The following DYRK1A variants were observed in gnomAD, a reference collection of about 807,000 sequenced individuals.
DYRK1A encodes dual specificity tyrosine phosphorylation regulated kinase 1A, also known as dual specificity tyrosine-phosphorylation-regulated kinase 1A.
DYRK1A carries 9 observed loss-of-function variants against 79.7 expected under a neutral mutation model. The observed-to-expected ratio is 0.11, with a 90% confidence interval of 0.07 to 0.20. DYRK1A has a LOEUF of 0.20. Ranked by LOEUF, DYRK1A falls within the 10% of genes least tolerant of loss-of-function variation. DYRK1A has a pLI of 1.00. For missense variants in DYRK1A, 622 were observed against 956.0 expected (o/e 0.65, Z 4.61); for synonymous variants, 349 against 329.7 (o/e 1.06, Z -0.63).
chr21:37,377,768 T>A (rs1285185734), intron 1 of DYRK1A, among the ~76,000 whole-genome samples: 1 of 152,206 alleles, frequency 6.6e-6, no homozygotes, highest in Non-Finnish European at 1.5e-5. Context: ...CTATTGTTCT[T>A]AATGGTCGGA....
At chr21:37,462,908 C>A (rs1361071231) in intron 2 of DYRK1A, among the ~76,000 whole-genome samples, 1 of 152,080 alleles carries the variant, frequency 6.6e-6, no homozygotes, top group African/African-American at 2.4e-5. Flanking sequence ...TTGACTAGTT[C>A]TTTAGTTGTT....
At chr21:37,468,018 C>T (rs1007463329) in intron 2 of DYRK1A, among the ~76,000 whole-genome samples, 2 of 152,178 alleles carry the variant, frequency 1.3e-5, no homozygotes, top group African/African-American at 4.8e-5. Context: ...CTATAGAGAT[C>T]AATGCAATTT....
intron 1 of DYRK1A, among the ~76,000 whole-genome samples, chr21:37,372,554 A>G (rs1262392773): frequency 2.0e-5 from 3 of 152,102 alleles, no homozygotes; most frequent in Non-Finnish European, 4.4e-5. Context: ...TCCCCTGCCC[A>G]TGAAACCATG....
chr21:37,369,811 A>G (rs938759915), intron 1 of DYRK1A, among the ~76,000 whole-genome samples: 21 of 152,274 alleles, frequency 1.4e-4, no homozygotes, highest in African/African-American at 5.1e-4. Context: ...AGATCTAAGT[A>G]TAAGATCATC....
intron 2 of DYRK1A, among the ~76,000 whole-genome samples, chr21:37,444,288 T>C (rs1387106304): frequency 6.6e-6 from 1 of 152,222 alleles, no homozygotes; most frequent in African/African-American, 2.4e-5. Flanking sequence ...TTACCCGAAT[T>C]GAATACGTTA....
rs2053877263 is a variant in DYRK1A, at chr21:37,516,025, ACTCAGTTCTAGGCCAGTTT to A, written c.*3502_*3520del. On this transcript the variant is annotated 3_prime_UTR_variant, in exon 12 of 12. Transcript: ENST00000647188. ...TACACACGAAGACGAGATAGCAGGC[ACTCAGTTCTAGGCCAGTTT>A]CTCAGTTTCCTTTGGGCCTGCCTTT... 6.6e-6 allele frequency: 1 copy of A among 152,134 alleles called. No homozygotes were observed. The highest frequency in any genetic ancestry group is 2.1e-4 in the South Asian group (1 of 4,830). 9.4% of individuals were successfully genotyped at this position (152,134 alleles called of 1,614,324 possible). A position where few individuals can be genotyped will look rare whatever the true frequency, so the allele number is the denominator to read the frequency against.
At chr21:37,472,218 G>A (rs981395828) in intron 2 of DYRK1A, among the ~76,000 whole-genome samples, 1 of 152,146 alleles carries the variant, frequency 6.6e-6, no homozygotes, top group Admixed American at 6.5e-5. Context: ...GCACCATAAG[G>A]TTTCACCTGG....
chr21:37,521,099 A>G lies in DYRK1A; in HGVS notation c.*8568A>G, dbSNP rs565584567. The G allele has an allele frequency of 1.3e-5, 2 of 152,314 alleles. No individual in the cohort carries two copies. The highest frequency in any genetic ancestry group is 4.1e-4 in the South Asian group (2 of 4,826). 9.4% of individuals were successfully genotyped at this position (152,314 alleles called of 1,614,324 possible). On this transcript the variant is annotated 3_prime_UTR_variant, in exon 12 of 12. Transcript: ENST00000647188. ...GTAGTCTTGAAGAATTCAGATGAGGAGCTTGTCCAGGGAGGGCTCCCACGT... is the reference window on the plus strand; with the variant it reads ...GTAGTCTTGAAGAATTCAGATGAGGGGCTTGTCCAGGGAGGGCTCCCACGT...
chr21:37,389,909 AT>A (rs2049837410), intron 1 of DYRK1A, among the ~76,000 whole-genome samples: 1 of 147,988 alleles, frequency 6.8e-6, no homozygotes, highest in Non-Finnish European at 1.5e-5. Flanking sequence ...GTATTTACTT[AT>A]GTATTTTGTT....
chr21:37,372,952 T>C (rs1305700525), intron 1 of DYRK1A, among the ~76,000 whole-genome samples: 2 of 152,236 alleles, frequency 1.3e-5, no homozygotes, highest in East Asian at 1.9e-4. Flanking sequence ...TAATTGTTCA[T>C]TAAATTTCAT....
intron 2 of DYRK1A, among the ~76,000 whole-genome samples, chr21:37,467,147 A>G (rs1376950133): frequency 6.6e-6 from 1 of 151,928 alleles, no homozygotes; most frequent in Non-Finnish European, 1.5e-5. Context: ...GAAACTATCC[A>G]CAAGCAAAAC....
chr21:37,369,137 G>T (rs2049379237), intron 1 of DYRK1A, among the ~76,000 whole-genome samples: 1 of 152,136 alleles, frequency 6.6e-6, no homozygotes. Flanking sequence ...GAATGCTTAA[G>T]GGTTCCTCTG....
At chr21:37,373,041 C>T (rs1475383688) in intron 1 of DYRK1A, among the ~76,000 whole-genome samples, 1 of 152,158 alleles carries the variant, frequency 6.6e-6, no homozygotes, top group East Asian at 1.9e-4. Flanking sequence ...TTGATCATGG[C>T]TGTAACTCCA....
intron 1 of DYRK1A, chr21:37,367,955 CTCCTCCTCT>C (rs938681979): frequency 3.1e-5 from 5 of 161,746 alleles, no homozygotes; most frequent in Admixed American, 6.4e-5. Flanking sequence ...CCTCCTCCTC[CTCCTCCTCT>C]TCCTCCTCAT....
chr21:37,434,460 C>T (rs189181747), intron 2 of DYRK1A, among the ~76,000 whole-genome samples: 2 of 152,186 alleles, frequency 1.3e-5, no homozygotes, highest in Non-Finnish European at 2.9e-5. Context: ...AAACTCTCAA[C>T]CACTCAGAAT....
intron 1 of DYRK1A, among the ~76,000 whole-genome samples, chr21:37,383,007 TAGG>T (rs1422443951): frequency 6.6e-5 from 10 of 152,174 alleles, no homozygotes; most frequent in Non-Finnish European, 1.2e-4. Flanking sequence ...GTCTTTATCT[TAGG>T]AGTCTTTGTG....
chr21:37,417,541 T>C (rs200173603), intron 1 of DYRK1A, among the ~76,000 whole-genome samples: 88 of 57,066 alleles, frequency 1.5e-3, no homozygotes, highest in Middle Eastern at 7.6e-3. Context: ...TTTTTTTTTT[T>C]TTTTTTTTTT....
In DYRK1A at chr21:37,520,940, C is replaced by T. The variant is rs57596524; in HGVS notation, c.*8409C>T. The T allele has an allele frequency of 0.089, 13,582 of 152,356 alleles. 749 individuals carry two copies. The highest frequency in any genetic ancestry group is 0.12 in the Non-Finnish European group (7,988 of 68,060). 9.4% of individuals were successfully genotyped at this position (152,356 alleles called of 1,614,324 possible). A position where few individuals can be genotyped will look rare whatever the true frequency, so the allele number is the denominator to read the frequency against. ...CTTCACAGAGCGCTTACATGGGATT[C>T]TTACCTTCTGACTGGAGTGTCACCC... is the stretch of plus-strand genomic sequence containing the variant. On this transcript the variant is annotated 3_prime_UTR_variant, in exon 12 of 12. Coordinates refer to ENST00000647188, the MANE Select transcript of DYRK1A (RefSeq NM_001347721.2).
intron 1 of DYRK1A, among the ~76,000 whole-genome samples, chr21:37,406,841 A>C (rs917516546): frequency 8.1e-5 from 12 of 148,104 alleles, no homozygotes; most frequent in East Asian, 1.9e-4. Context: ...ATATATATAT[A>C]TCTTTAGTAG....
Sources: allele counts gnomAD v4.1 joint callset (sites outside exome capture counted in the v4.1 genomes callset), GRCh38; gene constraint gnomAD v4.1.1; transcripts MANE v1.5; gene names NCBI Gene and HGNC (gene_info 2026-07-23, HGNC 2026-07-21).